The following FOCAD variants were observed in gnomAD, a reference collection of about 807,000 sequenced individuals.
FOCAD encodes KIAA1797.
A neutral mutation model predicts 225.6 loss-of-function variants in FOCAD; 198 were observed. The ratio of observed to expected loss-of-function variants is 0.88; its 90% CI spans 0.78 to 0.99. The LOEUF is 0.99. FOCAD is among the 50% of genes least tolerant of loss of function. The pLI is 0.00. For synonymous variants in FOCAD, 897 were observed against 755.0 expected (o/e 1.19, Z -3.08); for missense variants, 2,713 against 2,123.6 (o/e 1.28, Z -5.46).
At chr9:20,740,156 T>C in intron 4 of FOCAD, 80 bp from the exon 5 acceptor site, 1 of 921,792 alleles carries the variant, frequency 1.1e-6, no homozygotes, top group East Asian at 2.5e-5. Flanking sequence ...TTAAAATTAT[T>C]TTAAAATGAT....
intron 21 of FOCAD, among the ~76,000 whole-genome samples, chr9:20,903,478 A>T (rs1319884699): frequency 1.3e-5 from 2 of 151,938 alleles, no homozygotes; most frequent in East Asian, 3.9e-4. Flanking sequence ...TCCTTTTACA[A>T]TATAAATTAG....
intron 24 of FOCAD, among the ~76,000 whole-genome samples, chr9:20,921,073 G>A (rs1335123373): frequency 2.0e-5 from 3 of 151,590 alleles, no homozygotes; most frequent in Admixed American, 6.6e-5. Flanking sequence ...AAATAAAAAA[G>A]AACATTTAAA....
intron 14 of FOCAD, among the ~76,000 whole-genome samples, chr9:20,821,804 G>C (rs1012475834): frequency 1.3e-5 from 2 of 151,798 alleles, no homozygotes; most frequent in African/African-American, 4.8e-5. Context: ...TCTCACTTTT[G>C]TTAATGACAG....
At chr9:20,781,160 T>C (rs531836504) in intron 9 of FOCAD, among the ~76,000 whole-genome samples, 3 of 152,368 alleles carry the variant, frequency 2.0e-5, no homozygotes, top group Admixed American at 2.0e-4. Context: ...TGTATAACTG[T>C]ATGTATCTGG....
chr9:20,994,420 C>T (rs1165621804), intron 43 of FOCAD, among the ~76,000 whole-genome samples: 2 of 152,212 alleles, frequency 1.3e-5, no homozygotes, highest in African/African-American at 4.8e-5. Context: ...GAAACTTTCA[C>T]CTTCAGAAAG....
intron 9 of FOCAD, among the ~76,000 whole-genome samples, chr9:20,780,671 T>TAA (rs1324302845): frequency 7.0e-4 from 107 of 152,302 alleles, no homozygotes; most frequent in African/African-American, 2.5e-3. Context: ...TATGTAGTTG[T>TAA]TAACTGTAGC....
At chr9:20,883,583 A>C (rs570642521) in intron 20 of FOCAD, among the ~76,000 whole-genome samples, 3 of 152,250 alleles carry the variant, frequency 2.0e-5, no homozygotes, top group African/African-American at 7.2e-5. Flanking sequence ...CTAGAAATAA[A>C]TAACAAAAAT....
chr9:20,786,639 T>C (rs139374397), intron 10 of FOCAD, among the ~76,000 whole-genome samples: 14 of 152,362 alleles, frequency 9.2e-5, no homozygotes, highest in African/African-American at 3.1e-4. Flanking sequence ...TCTTTACAGT[T>C]AATGAAAATC....
Position 20,982,398 on chromosome 9 carries a change from C to A in FOCAD, c.4680C>A (p.Leu1560=). 6.2e-7 allele frequency: 1 copy of A among 1,613,918 alleles called. No individual in the cohort carries two copies. The highest frequency in any genetic ancestry group is 1.1e-5 in the South Asian group (1 of 91,078). ...TGTATATCAGCATAGCAAAATGCCT[C>A]TTAGAAATGACAGATGATGATGCCA... is the stretch of plus-strand genomic sequence containing the variant. ...LELYISIAKC[L]LEMTDDDANR... The change falls in exon 39 of 44, where the codon CTC becomes CTA. Residue 1560 remains leucine (L), a synonymous_variant. Transcript: ENST00000338382.
intron 4 of FOCAD, among the ~76,000 whole-genome samples, chr9:20,732,713 G>C (rs930710285): frequency 9.2e-5 from 14 of 152,152 alleles, no homozygotes; most frequent in Non-Finnish European, 1.9e-4. Context: ...CAGAGATTAG[G>C]TGGCTGTTGC....
At position 20,715,291 on chromosome 9, in the gene FOCAD, A is replaced by T. The variant is rs552715438; in HGVS notation, c.-32-31A>T. On this transcript the variant is annotated intron_variant, in intron 1 of 43. Coordinates refer to ENST00000338382, the MANE Select transcript of FOCAD (RefSeq NM_001375567.1). ...AGCCCCAATTCAGACCAGTTGGAAGACTAACAAATATTCTTTTGTTTTGGT... is the reference window on the plus strand; with the variant it reads ...AGCCCCAATTCAGACCAGTTGGAAGTCTAACAAATATTCTTTTGTTTTGGT... 69 of 1,067,158 alleles carry T rather than the reference A, an allele frequency of 6.5e-5. No homozygotes were observed. The South Asian group carries it at 8.5e-4, about 13-fold the overall frequency. The allele number at this position is 1,067,158 out of a possible 1,614,324, so 66.1% of individuals were successfully genotyped here. A position where few individuals can be genotyped will look rare whatever the true frequency, so the allele number is the denominator to read the frequency against.
At chr9:20,780,404 A>G (rs1819248078) in intron 9 of FOCAD, among the ~76,000 whole-genome samples, 1 of 152,228 alleles carries the variant, frequency 6.6e-6, no homozygotes, top group African/African-American at 2.4e-5. Context: ...ATACAGTATC[A>G]AACAGTCAAA....
chr9:20,718,083 C>G (rs1220732631), intron 3 of FOCAD, among the ~76,000 whole-genome samples: 1 of 151,988 alleles, frequency 6.6e-6, no homozygotes, highest in Non-Finnish European at 1.5e-5. Flanking sequence ...AGGAATGAGA[C>G]ATGGAGGGAA....
chr9:20,936,581 G>A (rs199589143), intron 28 of FOCAD, among the ~76,000 whole-genome samples: 1 of 151,964 alleles, frequency 6.6e-6, no homozygotes, highest in South Asian at 2.1e-4. Flanking sequence ...GTAATCCCAG[G>A]ACTTTGGGAG....
At chr9:20,804,329 A>G (rs1822177278) in intron 11 of FOCAD, among the ~76,000 whole-genome samples, 1 of 151,950 alleles carries the variant, frequency 6.6e-6, no homozygotes, top group African/African-American at 2.4e-5. Flanking sequence ...GTGGAATTTC[A>G]CTAGCTTGAT....
Position 20,720,458 on chromosome 9 carries a change from G to T in FOCAD, c.211G>T (p.Val71Leu). Residue 71 changes from valine (V) to leucine (L), a missense_variant, in exon 4 of 44, where the codon GTG becomes TTG. Val to Leu is a conservative substitution (Grantham distance 32). Coordinates refer to ENST00000338382, the MANE Select transcript of FOCAD (RefSeq NM_001375567.1). ...TCGAACAGCCTGCTGTGAAGGTCTG[G>T]TGGCACTCGTTGCTCAGGATCATGC... ...VVRTACCEGL[V>L]ALVAQDHAEF... 6.2e-7 allele frequency: 1 copy of T among 1,614,122 alleles called. No individual in the cohort carries two copies. Among genetic ancestry groups the T allele is most frequent in the East Asian group, 2.2e-5 (1 of 44,872 alleles).
chr9:20,948,731 G>A, intron 31 of FOCAD, 120 bp from the exon 32 acceptor site: 2 of 1,060,430 alleles, frequency 1.9e-6, no homozygotes, highest in Non-Finnish European at 1.4e-6. Context: ...TACAGGTTAC[G>A]TTGACCCTAT....
At chr9:20,805,029 G>T (rs1024873311) in intron 11 of FOCAD, among the ~76,000 whole-genome samples, 2 of 152,142 alleles carry the variant, frequency 1.3e-5, no homozygotes, top group East Asian at 1.9e-4. Context: ...AACATGTCAT[G>T]CATGTTCTGT....
At chr9:20,903,131 C>G (rs796872253) in intron 21 of FOCAD, among the ~76,000 whole-genome samples, 1 of 152,028 alleles carries the variant, frequency 6.6e-6, no homozygotes, top group African/African-American at 2.4e-5. Flanking sequence ...ATGCTCCTTT[C>G]TAGTCAGGCC....
Sources: gnomAD v4.1 joint callset for allele counts (sites outside exome capture counted in the v4.1 genomes callset) on GRCh38, gnomAD v4.1.1 for gene constraint, MANE v1.5 for transcripts, NCBI Gene and HGNC (gene_info 2026-07-23, HGNC 2026-07-21) for gene names.